NETO1: variants seen among roughly 807,000 people sequenced by gnomAD.
NETO1 encodes the protein neuropilin and tolloid-like protein 1.
A neutral mutation model predicts 61.3 loss-of-function variants in NETO1; 26 were observed. The observed-to-expected ratio is 0.42, with a 90% confidence interval of 0.31 to 0.59. The LOEUF (loss-of-function observed/expected upper bound fraction) is 0.59, where lower values mean the gene tolerates loss of function less well. Among genes scored for constraint, NETO1 ranks in the 20% least tolerant of loss-of-function variants. NETO1 has a pLI of 0.12. For synonymous variants in NETO1, 225 were observed against 225.8 expected (o/e 1.00, Z 0.03); for missense variants, 531 against 662.8 (o/e 0.80, Z 2.18).
chr18:72,801,334 G>A (rs2072500141), intron 4 of NETO1, among the ~76,000 whole-genome samples: 2 of 152,032 alleles, frequency 1.3e-5, no homozygotes, highest in Non-Finnish European at 2.9e-5. Context: ...ATTATTCTAT[G>A]AGCCCAGGAG....
intron 1 of NETO1, chr18:72,866,706 C>T: frequency 1.0e-6 from 1 of 986,496 alleles, no homozygotes; most frequent in Non-Finnish European, 1.2e-6. Flanking sequence ...ATTTTCCTCT[C>T]ATTCCTTCCC....
chr18:72,863,467 T>C (rs1340034499), intron 3 of NETO1, among the ~76,000 whole-genome samples: 2 of 152,208 alleles, frequency 1.3e-5, no homozygotes, highest in Non-Finnish European at 2.9e-5. Context: ...TGTTAAGTCC[T>C]ATGAGGCAGG....
At chr18:72,838,279 G>C (rs1307138665) in intron 4 of NETO1, among the ~76,000 whole-genome samples, 1 of 152,206 alleles carries the variant, frequency 6.6e-6, no homozygotes, top group African/African-American at 2.4e-5. Context: ...ATTGTGAGTG[G>C]CAGGTATTTA....
chr18:72,844,751 G>A (rs1345993380), intron 4 of NETO1, among the ~76,000 whole-genome samples: 2 of 152,194 alleles, frequency 1.3e-5, no homozygotes, highest in Non-Finnish European at 2.9e-5. Context: ...ATTTAAAGAT[G>A]TAAACCGAGG....
chr18:72,773,162 G>C (rs1473964295), intron 7 of NETO1, among the ~76,000 whole-genome samples: 5 of 151,662 alleles, frequency 3.3e-5, no homozygotes, highest in Non-Finnish European at 1.5e-5. Context: ...CTCCTCACTT[G>C]CATCTGAGTC....
Position 72,747,248 on chromosome 18 carries a change from A to C in NETO1, c.*931T>G, listed in dbSNP as rs1272458492. 1 of 151,952 alleles carries C rather than the reference A, an allele frequency of 6.6e-6. No homozygotes were observed. The highest frequency in any genetic ancestry group is 1.5e-5 in the Non-Finnish European group (1 of 67,930). The allele number at this position is 151,952 out of a possible 1,614,324, so 9.4% of individuals were successfully genotyped here. On this transcript the variant is annotated 3_prime_UTR_variant, in exon 11 of 11. Coordinates refer to ENST00000327305, the MANE Select transcript of NETO1 (RefSeq NM_138966.5). The stretch of plus-strand genomic sequence containing the variant: ...ATTAGGAAATTATTATACATTTTAT[A>C]TATATTTATATAAAAAGTCGTAAGT...
intron 4 of NETO1, chr18:72,833,991 G>T: frequency 2.3e-6 from 1 of 427,726 alleles, no homozygotes; most frequent in Non-Finnish European, 3.1e-6. Context: ...AGTCCAAAGT[G>T]AATACAACAT....
chr18:72,777,419 G>GA (rs35895540), intron 7 of NETO1, among the ~76,000 whole-genome samples: 4,635 of 101,852 alleles, frequency 0.046, 119 homozygotes, highest in African/African-American at 0.095. Context: ...AACTCCATCT[G>GA]AAAAAAAAAA....
At chr18:72,820,247 CA>C (rs1389819665) in intron 4 of NETO1, among the ~76,000 whole-genome samples, 1 of 151,988 alleles carries the variant, frequency 6.6e-6, no homozygotes, top group Non-Finnish European at 1.5e-5. Flanking sequence ...TAGGAAAAAC[CA>C]ACAATAAACG....
At chr18:72,843,512 A>C (rs1342828077) in intron 4 of NETO1, among the ~76,000 whole-genome samples, 1 of 152,212 alleles carries the variant, frequency 6.6e-6, no homozygotes, top group African/African-American at 2.4e-5. Context: ...GAAGCATGAC[A>C]AAGTTATACC....
intron 4 of NETO1, among the ~76,000 whole-genome samples, chr18:72,810,604 G>A (rs2072833440): frequency 6.6e-6 from 1 of 152,158 alleles, no homozygotes; most frequent in South Asian, 2.1e-4. Context: ...TAGAAAATCT[G>A]TAATTTTGAA....
rs73966669 is a variant in NETO1 at position 72,811,862 on chromosome 18, C to T, written c.470-17458G>A. Among the ~76,000 whole-genome samples the T allele has an allele frequency of 8.8e-3, 1,341 of 152,236 alleles. 23 individuals are homozygous for T. Among genetic ancestry groups the T allele is most frequent in the African/African-American group, 0.03 (1,261 of 41,530 alleles). ...ATCCATGGATTTGGGGTTCTGAAAC[C>T]TTCTTTTGGTTCTTGGAGACCTTTC... On this transcript the variant is annotated intron_variant, in intron 4 of 10. Transcript: ENST00000327305.
chr18:72,778,671 C>T (rs2071637807), intron 7 of NETO1, among the ~76,000 whole-genome samples: 2 of 152,140 alleles, frequency 1.3e-5, no homozygotes, highest in South Asian at 2.1e-4. Context: ...CTCATCAAAA[C>T]GACCTTACTA....
intron 4 of NETO1, among the ~76,000 whole-genome samples, chr18:72,812,273 A>C (rs2072893049): frequency 6.6e-6 from 1 of 152,242 alleles, no homozygotes; most frequent in Non-Finnish European, 1.5e-5. Context: ...TGATTGCACA[A>C]TTGTTCACAG....
At chr18:72,818,153 A>G (rs2073084336) in intron 4 of NETO1, among the ~76,000 whole-genome samples, 1 of 152,208 alleles carries the variant, frequency 6.6e-6, no homozygotes, top group South Asian at 2.1e-4. Flanking sequence ...ATCAGTAAAA[A>G]CAAAACTACT....
Position 72,867,539 on chromosome 18 carries a change from C to G in NETO1, c.-248G>C. 2 of 375,314 alleles carry G rather than the reference C, an allele frequency of 5.3e-6. No homozygotes were observed. The highest frequency in any genetic ancestry group is 9.5e-6 in the Non-Finnish European group (2 of 211,256). 23.2% of individuals were successfully genotyped at this position (375,314 alleles called of 1,614,324 possible). On this transcript the variant is annotated 5_prime_UTR_variant, in exon 1 of 11. Transcript: ENST00000327305. ...CTCGCTGGCCCTCAGCGCCGCGCAG[C>G]CAGCAGCATCCCCACCGTGACGCTC...
At chr18:72,821,234 T>TATAAA (rs2073185271) in intron 4 of NETO1, among the ~76,000 whole-genome samples, 1 of 80,220 alleles carries the variant, frequency 1.2e-5, no homozygotes, top group African/African-American at 5.1e-5. Context: ...TCATATTAAC[T>TATAAA]AAAAAAAAAA....
intron 4 of NETO1, among the ~76,000 whole-genome samples, chr18:72,828,314 A>G (rs80216274): frequency 1.3e-5 from 2 of 150,690 alleles, no homozygotes; most frequent in African/African-American, 4.9e-5. Flanking sequence ...GCATCTCAAG[A>G]AAAAAAAAAA....
At chr18:72,772,776 TACAG>T (rs1568187086) in intron 7 of NETO1, among the ~76,000 whole-genome samples, 2 of 115,700 alleles carry the variant, frequency 1.7e-5, no homozygotes, top group Non-Finnish European at 1.9e-5. Flanking sequence ...TATATATATA[TACAG>T]ATCTCTATAT....
Sources: gnomAD v4.1 joint callset for allele counts (sites outside exome capture counted in the v4.1 genomes callset) on GRCh38, gnomAD v4.1.1 for gene constraint, MANE v1.5 for transcripts, NCBI Gene and HGNC (gene_info 2026-07-23, HGNC 2026-07-21) for gene names.